Variants in BUB1B observed in about 807,000 individuals in gnomAD.
The protein encoded by BUB1B is BUB1 mitotic checkpoint serine/threonine kinase B, also known as mitotic checkpoint serine/threonine-protein kinase BUB1 beta.
In BUB1B, 86 loss-of-function variants were observed where a neutral mutation model predicts 137.7. That is an observed-to-expected ratio of 0.62 (90% CI 0.52 to 0.75). The LOEUF is 0.75. Ranked by LOEUF, BUB1B falls within the 30% of genes least tolerant of loss-of-function variation. The pLI is 0.00. For missense variants in BUB1B, 1,130 were observed against 1,236.9 expected, an observed-to-expected ratio of 0.91 and a Z score of 1.30; for synonymous variants, 420 against 417.9, an observed-to-expected ratio of 1.00 and a Z score of -0.06.
intron 8 of BUB1B, among the ~76,000 whole-genome samples, chr15:40,193,921 C>T (rs969484586): frequency 6.6e-6 from 1 of 151,358 alleles, no homozygotes; most frequent in East Asian, 1.9e-4. Flanking sequence ...CAGGGTCTCA[C>T]TGTATTGCCC....
At chr15:40,196,400 G>A in intron 8 of BUB1B, 145 bp from the exon 9 acceptor site, 1 of 711,740 alleles carries the variant, frequency 1.4e-6, no homozygotes, top group Non-Finnish European at 2.4e-6. Flanking sequence ...TTACAGCATA[G>A]TTTGAAGTCA....
chr15:40,170,570 A>T lies in BUB1B; in HGVS notation c.273A>T (p.Gln91His), dbSNP rs751056896. ...YISWTEQNYPQGGKESNMSTL... is the reference protein window; with the variant it reads ...YISWTEQNYPHGGKESNMSTL... ...GCTGGACAGAGCAGAACTATCCTCA[A>T]GGTGGGAAGGAGAGTAATATGTCAA... The change falls in exon 4 of 23, where the codon CAA becomes CAT. Residue 91 changes from glutamine to histidine, a missense_variant. By Grantham distance (24) the Gln-to-His change is conservative. Coordinates refer to ENST00000287598, the MANE Select transcript of BUB1B (RefSeq NM_001211.6). The T allele has an allele frequency of 6.2e-6, 10 of 1,613,564 alleles. No individual in the cohort carries two copies. In the East Asian group the frequency reaches 2.2e-4, roughly 36 times the overall value.
chr15:40,180,949 T>G (rs1228319015), intron 5 of BUB1B, among the ~76,000 whole-genome samples: 1 of 151,470 alleles, frequency 6.6e-6, no homozygotes, highest in African/African-American at 2.4e-5. Flanking sequence ...CGCCCGGCCC[T>G]CTCTGGTTTC....
At chr15:40,173,891 T>G in intron 4 of BUB1B, 1 of 394,092 alleles carries the variant, frequency 2.5e-6, no homozygotes, top group Non-Finnish European at 4.9e-6. Context: ...TGCAGAAGGA[T>G]TTCTCCAGTC....
chr15:40,213,541 T>G (rs879938917), intron 20 of BUB1B, 67 bp downstream of exon 20: 1 of 1,586,608 alleles, frequency 6.3e-7, no homozygotes, highest in South Asian at 1.1e-5. Context: ...GCCACTTTTT[T>G]TTTTCTTTTT....
intron 5 of BUB1B, among the ~76,000 whole-genome samples, chr15:40,178,499 G>C (rs191693574): frequency 1.1e-4 from 16 of 152,184 alleles, no homozygotes; most frequent in Admixed American, 9.2e-4. Context: ...TTATCTTGGT[G>C]AATGCTTCAT....
intron 8 of BUB1B, among the ~76,000 whole-genome samples, chr15:40,193,006 A>G (rs939518096): frequency 2.0e-5 from 3 of 151,484 alleles, no homozygotes; most frequent in African/African-American, 4.8e-5. Flanking sequence ...GCATGCCACC[A>G]TGGCTGGCTT....
intron 4 of BUB1B, among the ~76,000 whole-genome samples, chr15:40,174,637 T>C (rs2140884358): frequency 6.6e-6 from 1 of 152,348 alleles, no homozygotes; most frequent in East Asian, 1.9e-4. Context: ...TGGTAGCTTC[T>C]CTAGTAGTAA....
chr15:40,169,949 C>A, intron 2 of BUB1B, 113 bp from the exon 3 acceptor site: 1 of 918,290 alleles, frequency 1.1e-6, no homozygotes, highest in Non-Finnish European at 1.8e-6. Flanking sequence ...AACTCTAGTG[C>A]AATAATTTAG....
At chr15:40,182,115 A>T (rs1358446807) in intron 5 of BUB1B, among the ~76,000 whole-genome samples, 1 of 152,216 alleles carries the variant, frequency 6.6e-6, no homozygotes, top group Non-Finnish European at 1.5e-5. Flanking sequence ...GAAGCAGGAG[A>T]ATCGCTTGAA....
chr15:40,195,098 C>T (rs2037482055), intron 8 of BUB1B, among the ~76,000 whole-genome samples: 1 of 152,140 alleles, frequency 6.6e-6, no homozygotes, highest in African/African-American at 2.4e-5. Context: ...GAGCAGTGTA[C>T]ACTGTACCCG....
Position 40,161,213 on chromosome 15 carries a change from A to G in BUB1B, c.-8A>G, listed in dbSNP as rs755247126. Reference sequence around the variant, plus strand: ...CAGCAGGACGAGGACCTGAGCCAGGAATGCAGGATGGCGGCGGTGAAGAAG... The same window carrying G: ...CAGCAGGACGAGGACCTGAGCCAGGGATGCAGGATGGCGGCGGTGAAGAAG... On this transcript the variant is annotated 5_prime_UTR_variant, in exon 1 of 23. Transcript: ENST00000287598. The G allele has an allele frequency of 1.9e-6, 3 of 1,613,440 alleles. No homozygotes were observed. In the South Asian group the frequency reaches 3.3e-5, roughly 18 times the overall value.
chr15:40,212,381 C>T, intron 18 of BUB1B, 118 bp from the exon 19 acceptor site: 1 of 800,056 alleles, frequency 1.2e-6, no homozygotes, highest in Non-Finnish European at 2.1e-6. Flanking sequence ...AGATTTATGC[C>T]TTTAAAAATA....
At chr15:40,215,764 A>G (rs1250354773) in intron 20 of BUB1B, among the ~76,000 whole-genome samples, 3 of 151,950 alleles carry the variant, frequency 2.0e-5, no homozygotes, top group Non-Finnish European at 4.4e-5. Flanking sequence ...GCGAGACTCC[A>G]TCTCAAAACA....
At chr15:40,200,381 G>A (rs1407810987) in intron 11 of BUB1B, 22 bp downstream of exon 11, 2 of 1,583,130 alleles carry the variant, frequency 1.3e-6, no homozygotes, top group East Asian at 2.2e-5. Context: ...TAGGTGGAAG[G>A]GACAATGCAT....
At chr15:40,184,021 G>A (rs559138889) in intron 6 of BUB1B, 138 bp downstream of exon 6, 2 of 887,652 alleles carry the variant, frequency 2.3e-6, no homozygotes, top group East Asian at 5.3e-5. Context: ...AGTCAAAGGA[G>A]AGCTAATATT....
Position 40,183,852 on chromosome 15 carries a change from T to C in BUB1B, c.720T>C (p.Ala240=). The C allele has an allele frequency of 6.2e-7, 1 of 1,614,082 alleles. No individual in the cohort carries two copies. The highest frequency in any genetic ancestry group is 8.5e-7 in the Non-Finnish European group (1 of 1,179,964). ...GCAAAGGGAAAAAGACAGCAAGAGC[T>C]CCAATCATCCGTGTAGGAGGTGCTC... ...LKSKGKKTAR[A]PIIRVGGALK... is the part of the protein sequence containing the mutation. The change falls in exon 6 of 23, where the codon GCT becomes GCC. Residue 240 remains alanine, a synonymous_variant. Transcript: ENST00000287598.
At chr15:40,209,814 G>A (rs1360024415) in intron 17 of BUB1B, 39 bp downstream of exon 17, 44 of 1,608,552 alleles carry the variant, frequency 2.7e-5, no homozygotes, top group Non-Finnish European at 3.7e-5. Context: ...GTTCATGACA[G>A]TATACAAATA....
chr15:40,206,874 A>G (rs1472569228), intron 15 of BUB1B, among the ~76,000 whole-genome samples: 3 of 152,206 alleles, frequency 2.0e-5, no homozygotes, highest in Admixed American at 1.3e-4. Context: ...CAGTGGCACT[A>G]TCTTAGCTCA....
Sources: allele counts gnomAD v4.1 joint callset (sites outside exome capture counted in the v4.1 genomes callset), GRCh38; gene constraint gnomAD v4.1.1; transcripts MANE v1.5; gene names NCBI Gene and HGNC (gene_info 2026-07-23, HGNC 2026-07-21).